FERMT1: variants seen among roughly 807,000 people sequenced by gnomAD.
The protein encoded by FERMT1 is FERM domain containing kindlin 1, also known as fermitin family homolog 1.
A neutral mutation model predicts 85.3 loss-of-function variants in FERMT1; 60 were observed. That is an observed-to-expected ratio of 0.70 (90% confidence interval 0.57 to 0.87). FERMT1 has a LOEUF of 0.87. FERMT1 is among the 40% of genes least tolerant of loss of function. The pLI is 0.00. For synonymous variants in FERMT1, 275 were observed against 301.1 expected, an observed-to-expected ratio of 0.91 and a Z score of 0.90; for missense variants, 701 against 818.9, an observed-to-expected ratio of 0.86 and a Z score of 1.76.
chr20:6,111,695 C>A (rs1982955365), intron 4 of FERMT1, among the ~76,000 whole-genome samples: 1 of 151,960 alleles, frequency 6.6e-6, no homozygotes, highest in South Asian at 2.1e-4. Flanking sequence ...TGCAAGCAAG[C>A]TAGAGATTTG....
intron 13 of FERMT1, among the ~76,000 whole-genome samples, chr20:6,083,480 C>CT (rs1426073269): frequency 1.3e-5 from 2 of 152,002 alleles, no homozygotes; most frequent in African/African-American, 4.8e-5. Flanking sequence ...CCTAACAATT[C>CT]TGCAAAGCCA....
intron 11 of FERMT1, among the ~76,000 whole-genome samples, chr20:6,086,635 G>C (rs1982194547): frequency 6.6e-6 from 1 of 152,170 alleles, no homozygotes; most frequent in African/African-American, 2.4e-5. Flanking sequence ...CTGGTGGGAA[G>C]TGATTGGATC....
rs775139283 is a variant in FERMT1 at position 6,085,025 on chromosome 20, G to A, written c.1593+41C>T. 6.5e-6 allele frequency: 10 copies of A among 1,541,620 alleles called. No individual in the cohort carries two copies. In the African/African-American group the frequency reaches 1.4e-4, roughly 21 times the overall value. ...CTCCTTTTATTTCTGTTTGCATAAA[G>A]AATTTACTGCAAACAATTGCCCTAA... On this transcript the variant is annotated intron_variant, in intron 12 of 14. Coordinates refer to ENST00000217289, the MANE Select transcript of FERMT1 (RefSeq NM_017671.5).
intron 6 of FERMT1, among the ~76,000 whole-genome samples, chr20:6,102,444 A>C (rs977706932): frequency 2.0e-5 from 3 of 152,030 alleles, no homozygotes; most frequent in African/African-American, 7.2e-5. Context: ...TGGGAGGCTG[A>C]GGCAGGAGGA....
At chr20:6,122,268 G>T (rs1211741550) in intron 1 of FERMT1, among the ~76,000 whole-genome samples, 1 of 152,196 alleles carries the variant, frequency 6.6e-6, no homozygotes, top group East Asian at 1.9e-4. Context: ...GCTGTTACTT[G>T]TCAAGGATAG....
At chr20:6,106,312 T>C (rs1982795854) in intron 6 of FERMT1, among the ~76,000 whole-genome samples, 1 of 152,074 alleles carries the variant, frequency 6.6e-6, no homozygotes, top group African/African-American at 2.4e-5. Flanking sequence ...AGATGGCAGT[T>C]GGGGAAACAG....
intron 3 of FERMT1, among the ~76,000 whole-genome samples, chr20:6,113,420 G>T (rs1379915147): frequency 3.3e-5 from 5 of 151,950 alleles, no homozygotes; most frequent in African/African-American, 7.3e-5. Flanking sequence ...ACCAACAAAG[G>T]TCCTGCTTCC....
At chr20:6,119,332 C>A in intron 2 of FERMT1, 72 bp downstream of exon 2, 1 of 1,438,160 alleles carries the variant, frequency 7.0e-7, no homozygotes, top group Non-Finnish European at 9.8e-7. Flanking sequence ...GAAAAACCTA[C>A]ACCAGCCATT....
chr20:6,105,795 C>T (rs557462988), intron 6 of FERMT1, among the ~76,000 whole-genome samples: 6 of 152,218 alleles, frequency 3.9e-5, no homozygotes, highest in African/African-American at 1.4e-4. Flanking sequence ...CACAAACAAA[C>T]AACAGATGGG....
chr20:6,121,148 A>G (rs1165913921), intron 1 of FERMT1, among the ~76,000 whole-genome samples: 1 of 152,062 alleles, frequency 6.6e-6, no homozygotes, highest in African/African-American at 2.4e-5. Flanking sequence ...TTTGAGATGG[A>G]GTCTTGCTCT....
At chr20:6,077,465 C>T (rs2123084734) in intron 14 of FERMT1, 119 bp from the exon 15 acceptor site, 1 of 886,396 alleles carries the variant, frequency 1.1e-6, no homozygotes, top group South Asian at 1.5e-5. Flanking sequence ...GATGGATATC[C>T]CTCTAAAACA....
chr20:6,100,247 T>C (rs1982626200), intron 6 of FERMT1, among the ~76,000 whole-genome samples: 2 of 152,090 alleles, frequency 1.3e-5, no homozygotes, highest in Non-Finnish European at 2.9e-5. Flanking sequence ...CAAGGAAATA[T>C]TAGTTAGCAT....
At chr20:6,106,852 A>G (rs1338532399) in intron 6 of FERMT1, among the ~76,000 whole-genome samples, 3 of 151,954 alleles carry the variant, frequency 2.0e-5, no homozygotes, top group Admixed American at 6.6e-5. Flanking sequence ...GTTCATGGGA[A>G]CCTGCCTTTA....
At chr20:6,081,052 C>T (rs7266918) in intron 13 of FERMT1, among the ~76,000 whole-genome samples, 19,959 of 151,924 alleles carry the variant, frequency 0.13, 1,648 homozygotes, top group African/African-American at 0.24. Flanking sequence ...TCTGGGAGGC[C>T]GAGGCAAGGG....
At chr20:6,088,849 C>T (rs1369098277) in intron 10 of FERMT1, 116 bp downstream of exon 10, 11 of 993,334 alleles carry the variant, frequency 1.1e-5, no homozygotes, top group Non-Finnish European at 1.7e-5. Flanking sequence ...GTCTCGAACT[C>T]CTGACCTCAG....
chr20:6,120,995 A>G (rs950059420), intron 1 of FERMT1, among the ~76,000 whole-genome samples: 3 of 152,242 alleles, frequency 2.0e-5, no homozygotes, highest in Non-Finnish European at 2.9e-5. Context: ...ACTCATTTGT[A>G]AGCATAAGAG....
intron 6 of FERMT1, among the ~76,000 whole-genome samples, chr20:6,099,595 A>G (rs1482684394): frequency 6.6e-6 from 1 of 152,098 alleles, no homozygotes; most frequent in Non-Finnish European, 1.5e-5. Context: ...GGCAAAAGAG[A>G]GAAGGCAATG....
intron 1 of FERMT1, among the ~76,000 whole-genome samples, chr20:6,122,372 A>G (rs546516821): frequency 6.6e-6 from 1 of 152,344 alleles, no homozygotes; most frequent in African/African-American, 2.4e-5. Flanking sequence ...CAGACAGTCA[A>G]AGAAACGAAA....
Position 6,084,098 on chromosome 20 carries a change from G to A in FERMT1, c.1660C>T (p.Arg554Trp), listed in dbSNP as rs149523994. 71 of 1,613,810 alleles carry A rather than the reference G, an allele frequency of 4.4e-5. No individual in the cohort carries two copies. Among genetic ancestry groups the A allele is most frequent in the Admixed American group, 8.3e-5 (5 of 59,954 alleles). ...AQMPLVEAKL[R>W]FIQAWQSLPE... ...AGTGACTGCCACGCCTGGATGAACC[G>A]CAGCTTGGCTTCGACCAGGGGCATC... The change falls in exon 13 of 15, where the codon CGG becomes TGG. Residue 554 changes from arginine (R) to tryptophan (W), a missense_variant. By Grantham distance (101) the Arg-to-Trp change is moderately radical. Transcript: ENST00000217289.
Sources: gnomAD v4.1 joint callset for allele counts (sites outside exome capture counted in the v4.1 genomes callset) on GRCh38, gnomAD v4.1.1 for gene constraint, MANE v1.5 for transcripts, NCBI Gene and HGNC (gene_info 2026-07-23, HGNC 2026-07-21) for gene names.